The following PIK3CB variants were observed in gnomAD, a reference collection of about 807,000 sequenced individuals.
The protein encoded by PIK3CB is phosphatidylinositol-4,5-bisphosphate 3-kinase catalytic subunit beta.
In PIK3CB, 39 loss-of-function variants were observed where a neutral mutation model predicts 136.8. The ratio of observed to expected loss-of-function variants is 0.29; its 90% CI spans 0.22 to 0.37. PIK3CB has a LOEUF of 0.37. Ranked by LOEUF, PIK3CB falls within the 10% of genes least tolerant of loss-of-function variation. The pLI is 1.00. For missense variants in PIK3CB, 868 were observed against 1,275.4 expected (o/e 0.68, Z 4.87); for synonymous variants, 428 against 436.6 (o/e 0.98, Z 0.25).
At chr3:138,781,808 T>C (rs1368313495) in intron 2 of PIK3CB, among the ~76,000 whole-genome samples, 1 of 152,132 alleles carries the variant, frequency 6.6e-6, no homozygotes, top group African/African-American at 2.4e-5. Context: ...GGGTCCCAGC[T>C]ACTTGGGAGG....
intron 1 of PIK3CB, among the ~76,000 whole-genome samples, chr3:138,832,990 C>A (rs114505110): frequency 6.0e-5 from 9 of 149,624 alleles, no homozygotes; most frequent in Admixed American, 2.0e-4. Context: ...CCAGCCTGGG[C>A]GACAGACCGA....
intron 4 of PIK3CB, among the ~76,000 whole-genome samples, chr3:138,755,017 CTTGA>C (rs1450107865): frequency 6.6e-6 from 1 of 152,156 alleles, no homozygotes; most frequent in Non-Finnish European, 1.5e-5. Context: ...CCTCCATGTT[CTTGA>C]TTGTGTTACT....
At position 138,684,765 on chromosome 3, in the gene PIK3CB, T is replaced by C. The variant is rs776640223; in HGVS notation, c.2175A>G (p.Leu725=). 1.9e-6 allele frequency: 3 copies of C among 1,613,884 alleles called. No homozygotes were observed. The highest frequency in any genetic ancestry group is 2.5e-6 in the Non-Finnish European group (3 of 1,179,844). The change falls in exon 17 of 24, where the codon TTA becomes TTG. Residue 725 remains leucine (L), a synonymous_variant. Coordinates refer to ENST00000674063, the MANE Select transcript of PIK3CB (RefSeq NM_006219.3). ...ALNKLKTLNS[L]IKLNAVKLNR... is the part of the protein sequence containing the mutation. ...TTAACTTCACGGCATTCAGTTTGAT[T>C]AAACTATTTAAAGTTTTTAACTTAT...
chr3:138,767,439 T>C (rs2045746827), intron 2 of PIK3CB, among the ~76,000 whole-genome samples: 1 of 152,184 alleles, frequency 6.6e-6, no homozygotes, highest in African/African-American at 2.4e-5. Context: ...TGCCCTAAAA[T>C]AATTCCTACT....
In PIK3CB at chr3:138,723,129, A is replaced by T. The variant is rs1231467008; in HGVS notation, c.1051-8410T>A. 2.6e-5 allele frequency among the ~76,000 whole-genome samples: 4 copies of T among 152,358 alleles called. No homozygotes were observed. The East Asian group carries it at 7.7e-4, about 29-fold the overall frequency. ...AGAAGTTTTTGTTTTCAGAAAAAGC[A>T]GTAACAAAATCCATCCTCTAAATTT... On this transcript the variant is annotated intron_variant, in intron 8 of 23. Coordinates refer to ENST00000674063, the MANE Select transcript of PIK3CB (RefSeq NM_006219.3).
At chr3:138,785,765 T>C (rs1371912411) in intron 2 of PIK3CB, among the ~76,000 whole-genome samples, 1 of 150,984 alleles carries the variant, frequency 6.6e-6, no homozygotes, top group Non-Finnish European at 1.5e-5. Context: ...TCCACTATTG[T>C]CCTATGACCC....
At chr3:138,824,391 A>G (rs887615602) in intron 1 of PIK3CB, among the ~76,000 whole-genome samples, 1 of 152,196 alleles carries the variant, frequency 6.6e-6, no homozygotes, top group Non-Finnish European at 1.5e-5. Context: ...ATAATATAGG[A>G]GATGACTGTT....
At chr3:138,713,579 G>A (rs2044548631) in intron 9 of PIK3CB, among the ~76,000 whole-genome samples, 1 of 152,060 alleles carries the variant, frequency 6.6e-6, no homozygotes, top group South Asian at 2.1e-4. Flanking sequence ...GCTGAGGCAG[G>A]AGAATCGCTT....
chr3:138,690,131 A>G (rs1166319980), intron 15 of PIK3CB, among the ~76,000 whole-genome samples: 4 of 152,016 alleles, frequency 2.6e-5, no homozygotes, highest in Non-Finnish European at 5.9e-5. Flanking sequence ...AAAAGAGTGG[A>G]AAAAAATATA....
At chr3:138,830,092 C>A (rs956471872) in intron 1 of PIK3CB, among the ~76,000 whole-genome samples, 1 of 152,070 alleles carries the variant, frequency 6.6e-6, no homozygotes, top group Admixed American at 6.6e-5. Flanking sequence ...AGCCCTGGGG[C>A]ATTAGAATGT....
chr3:138,690,894 C>T (rs754200368), intron 15 of PIK3CB, 106 bp downstream of exon 15: 33 of 822,228 alleles, frequency 4.0e-5, no homozygotes, highest in Admixed American at 1.2e-4. Context: ...ATGTTATAAA[C>T]GGTTCAGAAA....
At chr3:138,831,303 A>G (rs1934027870) in intron 1 of PIK3CB, among the ~76,000 whole-genome samples, 1 of 150,290 alleles carries the variant, frequency 6.7e-6, no homozygotes. Flanking sequence ...AATTAAAATT[A>G]AAAATAGTGC....
rs574183169 is a variant in PIK3CB at position 138,830,715 on chromosome 3, C to A, written c.-122+3980G>T. Among the ~76,000 whole-genome samples the A allele has an allele frequency of 2.0e-5, 3 of 150,152 alleles. No individual in the cohort carries two copies. In the South Asian group the frequency reaches 6.3e-4, roughly 32 times the overall value. ...GAGATCGAGACCATCCTGGTGAACA[C>A]GGTGAAACCCTGTCTCTACTAAAAA... On this transcript the variant is annotated intron_variant, in intron 1 of 23. Transcript: ENST00000674063.
intron 1 of PIK3CB, among the ~76,000 whole-genome samples, chr3:138,820,445 T>C (rs1249454498): frequency 6.6e-6 from 1 of 152,214 alleles, no homozygotes; most frequent in Non-Finnish European, 1.5e-5. Context: ...CCTAACTCAT[T>C]TATGTGGTAA....
chr3:138,748,915 G>A (rs1207405683), intron 4 of PIK3CB, among the ~76,000 whole-genome samples: 2 of 152,106 alleles, frequency 1.3e-5, no homozygotes, highest in Non-Finnish European at 2.9e-5. Flanking sequence ...AGTAAGGGTT[G>A]CATTGTCTTT....
At chr3:138,788,365 C>G (rs1559878790) in intron 2 of PIK3CB, among the ~76,000 whole-genome samples, 1 of 152,088 alleles carries the variant, frequency 6.6e-6, no homozygotes. Context: ...AAAACCACAA[C>G]TATACTACTG....
At chr3:138,785,863 T>C (rs996366643) in intron 2 of PIK3CB, among the ~76,000 whole-genome samples, 66 of 150,566 alleles carry the variant, frequency 4.4e-4, no homozygotes, top group Non-Finnish European at 1.0e-4. Flanking sequence ...TCTGAGGATA[T>C]GACATTCACA....
chr3:138,710,050 G>A (rs1419178473), intron 10 of PIK3CB, among the ~76,000 whole-genome samples: 1 of 149,884 alleles, frequency 6.7e-6, no homozygotes, highest in African/African-American at 2.4e-5. Context: ...AAAGCCGGGT[G>A]TGGTGGCGTA....
chr3:138,760,590 C>G (rs1559867606), intron 2 of PIK3CB, among the ~76,000 whole-genome samples: 1 of 152,102 alleles, frequency 6.6e-6, no homozygotes, highest in Non-Finnish European at 1.5e-5. Context: ...AACAATTATG[C>G]CATTAATGAA....
Sources: gnomAD v4.1 joint callset for allele counts (sites outside exome capture counted in the v4.1 genomes callset) on GRCh38, gnomAD v4.1.1 for gene constraint, MANE v1.5 for transcripts, NCBI Gene and HGNC (gene_info 2026-07-23, HGNC 2026-07-21) for gene names.